SLC24A3: variants seen among roughly 807,000 people sequenced by gnomAD.
The protein encoded by SLC24A3 is solute carrier family 24 member 3.
Under a neutral mutation model 75.8 loss-of-function variants are expected in SLC24A3, and 28 were observed. That is an observed-to-expected ratio of 0.37 (90% CI 0.27 to 0.51). The LOEUF (loss-of-function observed/expected upper bound fraction) is 0.51, where lower values mean the gene tolerates loss of function less well. Ranked by LOEUF, SLC24A3 falls within the 20% of genes least tolerant of loss-of-function variation. The pLI is 0.94. For synonymous variants in SLC24A3, 372 were observed against 334.1 expected, an observed-to-expected ratio of 1.11 and a Z score of -1.24; for missense variants, 663 against 847.8, an observed-to-expected ratio of 0.78 and a Z score of 2.71.
At chr20:19,561,636 G>A (rs1952707512) in intron 3 of SLC24A3, among the ~76,000 whole-genome samples, 1 of 152,026 alleles carries the variant, frequency 6.6e-6, no homozygotes. Flanking sequence ...TTGAACAAGT[G>A]GATTAAAATA....
chr20:19,402,182 G>T (rs191825782), intron 2 of SLC24A3, among the ~76,000 whole-genome samples: 1 of 152,302 alleles, frequency 6.6e-6, no homozygotes, highest in Admixed American at 6.5e-5. Flanking sequence ...CTAATCTAAA[G>T]ATTAGACAGA....
At position 19,383,333 on chromosome 20, in the gene SLC24A3, G is replaced by T. The variant is rs556708252; in HGVS notation, c.271+102246G>T. Among the ~76,000 whole-genome samples, 8 of 152,268 alleles carry T rather than the reference G, an allele frequency of 5.3e-5. No homozygotes were observed. In the East Asian group the frequency reaches 1.4e-3, roughly 26 times the overall value. On this transcript the variant is annotated intron_variant, in intron 2 of 16. Transcript: ENST00000328041. ...TGAATGCAGAAGAATTGCCAGAAAA[G>T]ATAGGGGAGACAAACTGTTTCCTTT...
chr20:19,451,949 C>A (rs1352666982), intron 2 of SLC24A3, among the ~76,000 whole-genome samples: 1 of 152,176 alleles, frequency 6.6e-6, no homozygotes, highest in South Asian at 2.1e-4. Context: ...AGCCTCCCTC[C>A]CCATCCCGTT....
At chr20:19,360,797 C>T (rs1011010897) in intron 2 of SLC24A3, among the ~76,000 whole-genome samples, 16 of 152,032 alleles carry the variant, frequency 1.1e-4, no homozygotes, top group Admixed American at 6.6e-5. Context: ...TCCAATTCCT[C>T]AAAACCCTAT....
chr20:19,285,028 C>T (rs1444682759), intron 2 of SLC24A3, among the ~76,000 whole-genome samples: 2 of 152,274 alleles, frequency 1.3e-5, no homozygotes, highest in African/African-American at 2.4e-5. Context: ...TCCCTCTCCC[C>T]TCCTCCCCTT....
At chr20:19,690,299 T>G (rs1280454879) in intron 12 of SLC24A3, among the ~76,000 whole-genome samples, 10 of 152,206 alleles carry the variant, frequency 6.6e-5, no homozygotes, top group Admixed American at 6.5e-4. Flanking sequence ...CAGTGTCCAG[T>G]CAGAAATTTT....
chr20:19,278,235 A>C (rs1306496341), intron 1 of SLC24A3, among the ~76,000 whole-genome samples: 1 of 152,192 alleles, frequency 6.6e-6, no homozygotes, highest in African/African-American at 2.4e-5. Context: ...GCTTCCTCAC[A>C]TCTTAGGTGT....
At chr20:19,265,667 CAG>C (rs1302868743) in intron 1 of SLC24A3, 2 of 152,338 alleles carry the variant, frequency 1.3e-5, no homozygotes, top group African/African-American at 2.4e-5. Flanking sequence ...CTTCAGGTAT[CAG>C]GGGCTGAAAT....
intron 2 of SLC24A3, among the ~76,000 whole-genome samples, chr20:19,317,676 C>A (rs1984616096): frequency 6.6e-6 from 1 of 152,290 alleles, no homozygotes. Context: ...GTACACTCAT[C>A]TTTGGGGAGG....
At chr20:19,496,838 AGAACCCT>A (rs1988296380) in intron 2 of SLC24A3, among the ~76,000 whole-genome samples, 1 of 152,192 alleles carries the variant, frequency 6.6e-6, no homozygotes, top group African/African-American at 2.4e-5. Flanking sequence ...GGAGGAGGAC[AGAACCCT>A]GACTGCCAGC....
chr20:19,422,033 G>T (rs915400451), intron 2 of SLC24A3, among the ~76,000 whole-genome samples: 1 of 152,126 alleles, frequency 6.6e-6, no homozygotes, highest in Admixed American at 6.5e-5. Context: ...GGACAAAGAA[G>T]TGGGAGTCTC....
intron 12 of SLC24A3, 97 bp downstream of exon 12, chr20:19,685,458 A>T (rs1234529917): frequency 1.3e-6 from 2 of 1,530,182 alleles, no homozygotes; most frequent in African/African-American, 1.4e-5. Flanking sequence ...TCAATTTTTT[A>T]AAATCTCTGT....
At chr20:19,325,499 C>T (rs940402251) in intron 2 of SLC24A3, among the ~76,000 whole-genome samples, 7 of 151,184 alleles carry the variant, frequency 4.6e-5, no homozygotes, top group African/African-American at 1.7e-4. Context: ...GCCTTGGGTG[C>T]TGCATTGGAT....
chr20:19,721,640 TG>T lies in SLC24A3; in HGVS notation c.*505del, dbSNP rs2033105604. The T allele has an allele frequency of 6.5e-6, 1 of 153,820 alleles. No homozygotes were observed. Among genetic ancestry groups the T allele is most frequent in the African/African-American group, 2.4e-5 (1 of 41,466 alleles). 9.5% of individuals were successfully genotyped at this position (153,820 alleles called of 1,614,324 possible). A position where few individuals can be genotyped will look rare whatever the true frequency, so the allele number is the denominator to read the frequency against. ...TGGGTTTGGGGGGATTGTTTTCTTT[TG>T]GGGGCCTTCCCCTTTTACTCCTTTT... On this transcript the variant is annotated 3_prime_UTR_variant, in exon 17 of 17. Coordinates refer to ENST00000328041, the MANE Select transcript of SLC24A3 (RefSeq NM_020689.4).
intron 6 of SLC24A3, among the ~76,000 whole-genome samples, chr20:19,626,479 C>A (rs1354098635): frequency 6.6e-6 from 1 of 152,174 alleles, no homozygotes; most frequent in Non-Finnish European, 1.5e-5. Context: ...TTGAGTTGAA[C>A]AGAATAAAAT....
intron 2 of SLC24A3, among the ~76,000 whole-genome samples, chr20:19,480,511 A>G (rs1988035728): frequency 1.3e-5 from 2 of 152,184 alleles, no homozygotes; most frequent in Admixed American, 1.3e-4. Context: ...GCACTATTGC[A>G]GAAACTAGTT....
chr20:19,669,454 A>C (rs2032439312), intron 8 of SLC24A3, among the ~76,000 whole-genome samples: 2 of 151,558 alleles, frequency 1.3e-5, no homozygotes, highest in African/African-American at 2.4e-5. Context: ...GTGAGCCAAG[A>C]TTGTGCCACT....
intron 12 of SLC24A3, among the ~76,000 whole-genome samples, chr20:19,685,787 G>A (rs1288416847): frequency 6.6e-6 from 1 of 152,066 alleles, no homozygotes; most frequent in Non-Finnish European, 1.5e-5. Context: ...TAGCAGGGAA[G>A]GAATGTAGCT....
chr20:19,424,547 G>A (rs1022522229), intron 2 of SLC24A3, among the ~76,000 whole-genome samples: 2 of 151,666 alleles, frequency 1.3e-5, no homozygotes, highest in Admixed American at 6.6e-5. Flanking sequence ...AAAATTAGCC[G>A]AGTGGTAGTG....
Sources: allele counts gnomAD v4.1 joint callset (sites outside exome capture counted in the v4.1 genomes callset), GRCh38; gene constraint gnomAD v4.1.1; transcripts MANE v1.5; gene names NCBI Gene and HGNC (gene_info 2026-07-23, HGNC 2026-07-21).